MRE11: variants seen among roughly 807,000 people sequenced by gnomAD.
The protein encoded by MRE11 is double-strand break repair protein MRE11.
MRE11 carries 62 observed loss-of-function variants against 91.7 expected under a neutral mutation model. That is an observed-to-expected ratio of 0.68 (90% CI 0.55 to 0.84). MRE11 has a LOEUF of 0.84. Among genes scored for constraint, MRE11 ranks in the 40% least tolerant of loss-of-function variants. The pLI, the probability that MRE11 is intolerant of heterozygous loss-of-function variation, is 0.00. For synonymous variants in MRE11, 273 were observed against 271.4 expected (o/e 1.01, Z -0.06); for missense variants, 796 against 852.9 (o/e 0.93, Z 0.83).
intron 7 of MRE11, chr11:94,475,611 T>A (rs1016582252): frequency 1.1e-5 from 5 of 455,784 alleles, no homozygotes; most frequent in South Asian, 1.5e-5. Context: ...TTTCAATCAA[T>A]CCTATACCCT....
At chr11:94,462,512 T>C (rs1378301627) in intron 11 of MRE11, among the ~76,000 whole-genome samples, 3 of 152,164 alleles carry the variant, frequency 2.0e-5, no homozygotes, top group Admixed American at 6.5e-5. Context: ...GGCATCACCC[T>C]ACCTGACTTC....
chr11:94,436,372 C>A (rs974170290), intron 17 of MRE11, among the ~76,000 whole-genome samples: 1 of 152,078 alleles, frequency 6.6e-6, no homozygotes. Context: ...TTGATTCTAC[C>A]ACCCAAAATA....
At chr11:94,435,507 G>C (rs1391513582) in intron 18 of MRE11, among the ~76,000 whole-genome samples, 1 of 152,100 alleles carries the variant, frequency 6.6e-6, no homozygotes, top group Non-Finnish European at 1.5e-5. Flanking sequence ...AGTGAGCCAA[G>C]ATCGCACTAC....
At chr11:94,491,076 A>T (rs1013303704) in intron 2 of MRE11, 111 bp from the exon 3 acceptor site, 2 of 736,796 alleles carry the variant, frequency 2.7e-6, no homozygotes, top group East Asian at 2.7e-5. Flanking sequence ...GAGTAAAATC[A>T]TTTTTTTTAG....
chr11:94,451,566 A>C (rs1246125848), intron 14 of MRE11, among the ~76,000 whole-genome samples: 1 of 152,162 alleles, frequency 6.6e-6, no homozygotes, highest in Non-Finnish European at 1.5e-5. Flanking sequence ...TTATGAAAGC[A>C]AATAGAGACT....
the MRE11 span, among the ~76,000 whole-genome samples, chr11:94,511,149 C>A: frequency 6.6e-6 from 1 of 152,148 alleles, no homozygotes; most frequent in South Asian, 2.1e-4. Flanking sequence ...CGCAACCTTT[C>A]CACACAACCT....
chr11:94,488,186 G>GA (rs988437124), intron 3 of MRE11, among the ~76,000 whole-genome samples: 1 of 152,142 alleles, frequency 6.6e-6, no homozygotes, highest in Admixed American at 6.6e-5. Context: ...AGTTAAAAAA[G>GA]AAAGAGCACA....
At chr11:94,465,219 C>G (rs983637650) in intron 10 of MRE11, among the ~76,000 whole-genome samples, 8 of 152,006 alleles carry the variant, frequency 5.3e-5, no homozygotes, top group African/African-American at 1.9e-4. Flanking sequence ...TGAATGAATT[C>G]GTAATTTACT....
intron 11 of MRE11, among the ~76,000 whole-genome samples, chr11:94,461,550 A>C (rs1178972847): frequency 1.3e-5 from 2 of 152,334 alleles, no homozygotes; most frequent in Non-Finnish European, 2.9e-5. Flanking sequence ...ATTCCCTTTG[A>C]AAACTGGCAC....
intron 16 of MRE11, among the ~76,000 whole-genome samples, chr11:94,439,200 A>G (rs1203937286): frequency 1.3e-5 from 2 of 152,174 alleles, no homozygotes; most frequent in Non-Finnish European, 2.9e-5. Flanking sequence ...GAGATCTAGA[A>G]GTTACAGTCT....
intron 16 of MRE11, among the ~76,000 whole-genome samples, chr11:94,444,152 G>A (rs2005496): frequency 0.16 from 23,938 of 151,638 alleles, 2,396 homozygotes; most frequent in African/African-American, 0.28. Context: ...CAGGCAATCC[G>A]CCCGCCTCAG....
chr11:94,497,804 G>A (rs1263818371), upstream of MRE11: 1 of 373,028 alleles, frequency 2.7e-6, no homozygotes, highest in East Asian at 4.8e-5. Context: ...ATAAACCTTA[G>A]TTGGACCAGG....
intron 14 of MRE11, among the ~76,000 whole-genome samples, chr11:94,450,714 T>G (rs1230820748): frequency 1.3e-5 from 2 of 152,104 alleles, no homozygotes; most frequent in African/African-American, 4.8e-5. Flanking sequence ...GCTAAAGCAA[T>G]GCTTATAAGA....
At chr11:94,504,249 T>C in the MRE11 span, among the ~76,000 whole-genome samples, 2 of 152,186 alleles carry the variant, frequency 1.3e-5, no homozygotes, top group African/African-American at 4.8e-5. Context: ...ATAAGTTATA[T>C]TTTTATGAAG....
chr11:94,511,187 A>C, the MRE11 span, among the ~76,000 whole-genome samples: 8 of 151,840 alleles, frequency 5.3e-5, no homozygotes, highest in African/African-American at 1.7e-4. Context: ...CTCTCTCTAT[A>C]TATATAGATA....
At chr11:94,426,870 G>C (rs1237529655) in intron 19 of MRE11, among the ~76,000 whole-genome samples, 1 of 151,962 alleles carries the variant, frequency 6.6e-6, no homozygotes, top group Non-Finnish European at 1.5e-5. Context: ...GTGAAAACCT[G>C]AACAGACCAA....
At chr11:94,473,475 GA>G (rs1292712055) in intron 7 of MRE11, 1 of 151,984 alleles carries the variant, frequency 6.6e-6, no homozygotes, top group Non-Finnish European at 1.5e-5. Flanking sequence ...TGAAACAAGA[GA>G]AAAAAACAGT....
upstream of MRE11, chr11:94,497,839 G>C (rs563338611): frequency 6.7e-6 from 3 of 448,578 alleles, no homozygotes; most frequent in East Asian, 7.4e-5. Context: ...TTGATATTCA[G>C]AGAATCTCAT....
intron 10 of MRE11, chr11:94,466,421 A>G (rs1354407353): frequency 2.0e-6 from 1 of 506,708 alleles, no homozygotes; most frequent in East Asian, 5.8e-5. Flanking sequence ...CGACAGTGGG[A>G]TAAAGAAACG....
Sources: gnomAD v4.1 joint callset for allele counts (sites outside exome capture counted in the v4.1 genomes callset) on GRCh38, gnomAD v4.1.1 for gene constraint, MANE v1.5 for transcripts, NCBI Gene and HGNC (gene_info 2026-07-23, HGNC 2026-07-21) for gene names.